PPP1R9A: variants seen among roughly 807,000 people sequenced by gnomAD.
PPP1R9A encodes protein phosphatase 1 regulatory subunit 9A, also known as neurabin-1.
In PPP1R9A, 59 loss-of-function variants were observed where a neutral mutation model predicts 141.9. The observed-to-expected ratio is 0.42, with a 90% CI of 0.34 to 0.52. PPP1R9A has a LOEUF of 0.52. PPP1R9A is among the 20% of genes least tolerant of loss of function. The probability of loss-of-function intolerance (pLI) is 0.10; values close to 1 mark genes in which losing one functional copy is unlikely to be tolerated. For synonymous variants in PPP1R9A, 500 were observed against 569.7 expected, an observed-to-expected ratio of 0.88 and a Z score of 1.74; for missense variants, 1,444 against 1,611.9, an observed-to-expected ratio of 0.90 and a Z score of 1.78.
At chr7:95,158,920 A>G (rs973590075) in intron 4 of PPP1R9A, among the ~76,000 whole-genome samples, 1 of 152,226 alleles carries the variant, frequency 6.6e-6, no homozygotes, top group African/African-American at 2.4e-5. Context: ...TATGATTGGC[A>G]GTACTTAAAG....
intron 3 of PPP1R9A, among the ~76,000 whole-genome samples, chr7:95,117,434 T>C (rs1821721656): frequency 6.6e-6 from 1 of 152,200 alleles, no homozygotes; most frequent in Non-Finnish European, 1.5e-5. Context: ...AGTCATCATG[T>C]TGTCCTTGTA....
At chr7:94,974,854 G>C (rs1799255251) in intron 2 of PPP1R9A, among the ~76,000 whole-genome samples, 1 of 152,054 alleles carries the variant, frequency 6.6e-6, no homozygotes, top group South Asian at 2.1e-4. Context: ...ATAGAGAAGA[G>C]AAAACAGAAA....
chr7:95,290,799 A>G lies in PPP1R9A; in HGVS notation c.*496A>G, dbSNP rs1265304874. ...CAACACCTACTCCAATGTGTGGGAA[A>G]GATTTGCTCTTAATTCTCAGTCTGG... On this transcript the variant is annotated 3_prime_UTR_variant, in exon 20 of 20. Transcript: ENST00000433360. The G allele has an allele frequency of 6.3e-6, 1 of 159,326 alleles. No homozygotes were observed. Among genetic ancestry groups the G allele is most frequent in the Non-Finnish European group, 1.4e-5 (1 of 72,028 alleles). The allele number at this position is 159,326 out of a possible 1,614,324, so 9.9% of individuals were successfully genotyped here.
intron 2 of PPP1R9A, among the ~76,000 whole-genome samples, chr7:95,093,822 T>C (rs190373756): frequency 6.6e-6 from 1 of 152,336 alleles, no homozygotes; most frequent in East Asian, 1.9e-4. Flanking sequence ...TTTGAAGTTA[T>C]AAATTTTATT....
At chr7:95,207,551 A>G (rs2152896606) in intron 7 of PPP1R9A, among the ~76,000 whole-genome samples, 1 of 152,288 alleles carries the variant, frequency 6.6e-6, no homozygotes, top group East Asian at 1.9e-4. Context: ...GAGATAATAT[A>G]TCATAGCTAG....
intron 2 of PPP1R9A, among the ~76,000 whole-genome samples, chr7:95,003,090 T>A (rs530245633): frequency 1.4e-3 from 211 of 152,034 alleles, no homozygotes; most frequent in African/African-American, 4.7e-3. Flanking sequence ...TTGCCTTTTT[T>A]AAAAAAAAGC....
At chr7:95,077,505 A>G (rs919764466) in intron 2 of PPP1R9A, among the ~76,000 whole-genome samples, 9 of 152,154 alleles carry the variant, frequency 5.9e-5, no homozygotes, top group Non-Finnish European at 1.0e-4. Context: ...GAGTGAATGC[A>G]CATTAAAGGA....
At chr7:95,241,879 G>A (rs1334403502) in intron 8 of PPP1R9A, among the ~76,000 whole-genome samples, 1 of 151,970 alleles carries the variant, frequency 6.6e-6, no homozygotes, top group African/African-American at 2.4e-5. Context: ...ATTTAAAAAA[G>A]AGCTGTAATT....
rs537505956 is a variant in PPP1R9A, at chr7:95,290,800, G to C, written c.*497G>C. On this transcript the variant is annotated 3_prime_UTR_variant, in exon 20 of 20. Coordinates refer to ENST00000433360, the MANE Select transcript of PPP1R9A (RefSeq NM_001166160.2). ...AACACCTACTCCAATGTGTGGGAAAGATTTGCTCTTAATTCTCAGTCTGGA... is the reference window on the plus strand; with the variant it reads ...AACACCTACTCCAATGTGTGGGAAACATTTGCTCTTAATTCTCAGTCTGGA... 33 of 159,164 alleles carry C rather than the reference G, an allele frequency of 2.1e-4. No individual in the cohort carries two copies. The South Asian group carries it at 5.3e-3, about 25-fold the overall frequency. 9.9% of individuals were successfully genotyped at this position (159,164 alleles called of 1,614,324 possible).
chr7:94,956,127 A>G (rs1357699197), intron 2 of PPP1R9A, among the ~76,000 whole-genome samples: 1 of 152,088 alleles, frequency 6.6e-6, no homozygotes, highest in Non-Finnish European at 1.5e-5. Context: ...TTCCAAGGAA[A>G]ACATTTCTGT....
At chr7:94,912,846 T>G (rs1185498687) in intron 2 of PPP1R9A, among the ~76,000 whole-genome samples, 2 of 152,146 alleles carry the variant, frequency 1.3e-5, no homozygotes, top group African/African-American at 4.8e-5. Context: ...GTAAGTTTCT[T>G]TGCAGTGCTT....
chr7:95,118,235 A>G (rs1821863637), intron 3 of PPP1R9A, among the ~76,000 whole-genome samples: 1 of 152,230 alleles, frequency 6.6e-6, no homozygotes, highest in South Asian at 2.1e-4. Flanking sequence ...GCGAAACTTT[A>G]AAACTATAAT....
intron 18 of PPP1R9A, among the ~76,000 whole-genome samples, chr7:95,288,037 C>T (rs1805669179): frequency 6.6e-6 from 1 of 152,114 alleles, no homozygotes; most frequent in Non-Finnish European, 1.5e-5. Context: ...CCCTACCTTC[C>T]TCACAGTTTG....
At position 94,925,488 on chromosome 7, in the gene PPP1R9A, TG is replaced by T. The variant is rs546624746; in HGVS notation, c.1395+13985del. Among the ~76,000 whole-genome samples, 604 of 152,132 alleles carry T rather than the reference TG, an allele frequency of 4.0e-3. 5 individuals carry two copies. Among genetic ancestry groups the T allele is most frequent in the African/African-American group, 0.014 (576 of 41,496 alleles). ...TCATTTTTCCCCCCACATGTCTTAG[TG>T]GGGGAGTTGGTTCCTCTCTCCCTCT... On this transcript the variant is annotated intron_variant, in intron 2 of 19. Transcript: ENST00000433360.
At chr7:94,976,033 G>C (rs577159041) in intron 2 of PPP1R9A, among the ~76,000 whole-genome samples, 24 of 152,148 alleles carry the variant, frequency 1.6e-4, no homozygotes, top group South Asian at 1.5e-3. Flanking sequence ...TGTGTGTTCA[G>C]GTTTGGTTAC....
intron 12 of PPP1R9A, among the ~76,000 whole-genome samples, chr7:95,259,384 A>C (rs1800090711): frequency 6.6e-6 from 1 of 152,090 alleles, no homozygotes; most frequent in Non-Finnish European, 1.5e-5. Context: ...AAAGGTAAGA[A>C]TAAGAAAACC....
chr7:94,910,569 A>G lies in PPP1R9A; in HGVS notation c.456A>G (p.Glu152=). The part of the protein sequence containing the change: ...TRKMFERSVH[E]SGQNNRYSPK... ...AGATGTTTGAGAGAAGTGTGCATGA[A>G]TCAGGACAGAACAACCGCTATTCCC... is the stretch of plus-strand genomic sequence containing the variant. Residue 152 remains glutamate, a synonymous_variant, in exon 2 of 20, where the codon GAA becomes GAG. Coordinates refer to ENST00000433360, the MANE Select transcript of PPP1R9A (RefSeq NM_001166160.2). The surrounding 1 kb of genome is among the most constrained non-coding windows in gnomAD (Gnocchi z 4.5). 6.2e-7 allele frequency: 1 copy of G among 1,614,180 alleles called. No individual in the cohort carries two copies. The highest frequency in any genetic ancestry group is 8.5e-7 in the Non-Finnish European group (1 of 1,180,026).
At chr7:95,080,914 C>T (rs1472618685) in intron 2 of PPP1R9A, among the ~76,000 whole-genome samples, 1 of 152,156 alleles carries the variant, frequency 6.6e-6, no homozygotes, top group African/African-American at 2.4e-5. Flanking sequence ...ATGACTTGCA[C>T]ATGGAACAAA....
chr7:95,030,158 G>A (rs1044859060), intron 2 of PPP1R9A, among the ~76,000 whole-genome samples: 3 of 152,302 alleles, frequency 2.0e-5, no homozygotes, highest in East Asian at 1.9e-4. Context: ...TAACAGCAGA[G>A]TAATATTGGG....
Sources: gnomAD v4.1 joint callset for allele counts (sites outside exome capture counted in the v4.1 genomes callset) on GRCh38, gnomAD v4.1.1 for gene constraint, Gnocchi (gnomAD v3.1) non-coding constraint, MANE v1.5 for transcripts, NCBI Gene and HGNC (gene_info 2026-07-23, HGNC 2026-07-21) for gene names.